PLEC: variants seen among roughly 807,000 people sequenced by gnomAD.
The protein encoded by PLEC is plectin, also known as hemidesmosomal protein 1.
In PLEC, 216 loss-of-function variants were observed where a neutral mutation model predicts 392.8. That is an observed-to-expected ratio of 0.55 (90% CI 0.49 to 0.62). The LOEUF (loss-of-function observed/expected upper bound fraction) is 0.62. Among genes scored for constraint, PLEC ranks in the 20% least tolerant of loss-of-function variants. PLEC has a pLI of 0.00. For missense variants in PLEC, 6,863 were observed against 6,563.4 expected, an observed-to-expected ratio of 1.05 and a Z score of -1.58; for synonymous variants, 3,621 against 2,980.6, an observed-to-expected ratio of 1.21 and a Z score of -7.00.
In PLEC at chr8:143,939,495, G is replaced by T. The variant is rs377018374; in HGVS notation, c.-34C>A. ...CACACCTTCGTCGCCCGGACCCTCGGCCTCAGGCACGGTGCTCTGGGCAGC... is the reference window on the plus strand; with the variant it reads ...CACACCTTCGTCGCCCGGACCCTCGTCCTCAGGCACGGTGCTCTGGGCAGC... On this transcript the variant is annotated 5_prime_UTR_variant, in exon 1 of 32. Transcript: ENST00000345136. 2 of 1,591,704 alleles carry T rather than the reference G, an allele frequency of 1.3e-6. No homozygotes were observed. The highest frequency in any genetic ancestry group is 1.7e-6 in the Non-Finnish European group (2 of 1,170,188).
chr8:143,966,733 G>A (rs1445678805), intron 1 of PLEC, among the ~76,000 whole-genome samples: 1 of 152,148 alleles, frequency 6.6e-6, no homozygotes, highest in Non-Finnish European at 1.5e-5. Context: ...GGCTCGGCTC[G>A]GGGGCACAGA....
At position 143,923,565 on chromosome 8, in the gene PLEC, C is replaced by G; in HGVS notation, c.6364G>C (p.Glu2122Gln). ...EEAERLKQSA[E>Q]EQAQARAQAQ... The stretch of plus-strand genomic sequence containing the variant: ...TGAGCCCGGGCCTGTGCCTGCTCCT[C>G]TGCCGACTGCTTCAGCCGCTCGGCC... The change falls in exon 31 of 32, where the codon GAG (glutamate) becomes CAG (glutamine). Residue 2122 changes from glutamate to glutamine, a missense_variant. By Grantham distance (29) the Glu-to-Gln change is conservative (BLOSUM62 2). Transcript: ENST00000345136. 6.3e-7 allele frequency: 1 copy of G among 1,597,354 alleles called. No homozygotes were observed. Among genetic ancestry groups the G allele is most frequent in the South Asian group, 1.1e-5 (1 of 90,850 alleles).
chr8:143,933,091 C>T lies in PLEC; in HGVS notation c.1439G>A (p.Arg480His), dbSNP rs781886606. ...MYRRVYRLHERLVAIRTEYNL... is the reference protein window; with the variant it reads ...MYRRVYRLHEHLVAIRTEYNL... ...GTACTCGGTGCGGATGGCTACCAGGCGCTCGTGCAGACGGTACACCCTGGG... is the reference window on the plus strand; with the variant it reads ...GTACTCGGTGCGGATGGCTACCAGGTGCTCGTGCAGACGGTACACCCTGGG... The change falls in exon 14 of 32, where the codon CGC becomes CAC. Residue 480 changes from arginine (R) to histidine (H), a missense_variant. Arg to His is a conservative substitution (Grantham distance 29). Coordinates refer to ENST00000345136, the MANE Select transcript of PLEC (RefSeq NM_201384.3). The T allele has an allele frequency of 5.7e-5, 90 of 1,590,208 alleles. No homozygotes were observed. The highest frequency in any genetic ancestry group is 7.3e-5 in the Non-Finnish European group (86 of 1,170,900).
Position 143,919,248 on chromosome 8 carries a change from G to C in PLEC, c.10573C>G (p.Gln3525Glu). 1.9e-6 allele frequency: 3 copies of C among 1,613,980 alleles called. No individual in the cohort carries two copies. The highest frequency in any genetic ancestry group is 2.5e-6 in the Non-Finnish European group (3 of 1,180,040). ...TCCTCCACGCACCGCTCCAGCAGCT[G>C]CCTGTACGTGAGGTTCTCATGCGTG... Reference protein sequence around the residue: ...PNTHENLTYRQLLERCVEDPE... With the variant: ...PNTHENLTYRELLERCVEDPE... Residue 3525 changes from glutamine (Q) to glutamate (E), a missense_variant, in exon 32 of 32, where the codon CAG (glutamine) becomes GAG (glutamate). Transcript: ENST00000345136.
chr8:143,919,064 G>A lies in PLEC; in HGVS notation c.10757C>T (p.Ser3586Phe), dbSNP rs781872363. The A allele has an allele frequency of 6.2e-7, 1 of 1,611,374 alleles. No homozygotes were observed. Among genetic ancestry groups the A allele is most frequent in the Admixed American group, 1.7e-5 (1 of 60,022 alleles). Residue 3586 changes from serine to phenylalanine, a missense_variant, in exon 32 of 32, where the codon TCC becomes TTC. By Grantham distance (155) the Ser-to-Phe change is radical (BLOSUM62 -2). Transcript: ENST00000345136. ...GTCCGACTGCATCACCTCCCACAGG[G>A]ACATGGTGGAGCCGCCGTGGCTGCC... Reference protein sequence around the residue: ...GGGSHGGSTMSLWEVMQSDLI... With the variant: ...GGGSHGGSTMFLWEVMQSDLI...
At chr8:143,941,292 C>T (rs1340214090), upstream of PLEC, among the ~76,000 whole-genome samples, 1 of 152,168 alleles carries the variant, frequency 6.6e-6, no homozygotes, top group Non-Finnish European at 1.5e-5. Flanking sequence ...AGGGAGTCCA[C>T]GACAGCTGGA....
At position 143,921,134 on chromosome 8, in the gene PLEC, T is replaced by C. The variant is rs375069554; in HGVS notation, c.8687A>G (p.Tyr2896Cys). The change falls in exon 32 of 32, where the codon TAC (tyrosine) becomes TGC (cysteine). Residue 2896 changes from tyrosine (Y) to cysteine (C), a missense_variant. By Grantham distance (194) the Tyr-to-Cys change is radical. Coordinates refer to ENST00000345136, the MANE Select transcript of PLEC (RefSeq NM_201384.3). ...GACGTCCCGGGCCTCGGAGTCAGTG[T>C]AGACCAGCTCCCCGCCCTTGGCAGC... is the stretch of plus-strand genomic sequence containing the variant. The part of the protein sequence containing the change: ...DKAAKGGELV[Y>C]TDSEARDVFE... 10 of 1,613,130 alleles carry C rather than the reference T, an allele frequency of 6.2e-6. No homozygotes were observed. Among genetic ancestry groups the C allele is most frequent in the Admixed American group, 1.7e-5 (1 of 60,004 alleles).
exon 1 of PLEC, chr8:143,950,699 G>A: frequency 6.4e-7 from 1 of 1,563,202 alleles, no homozygotes; most frequent in Non-Finnish European, 8.6e-7. Flanking sequence ...GAGCATGCCG[G>A]CCACCATGGC....
Position 143,917,247 on chromosome 8 carries a change from A to T in PLEC, c.12574T>A (p.Ser4192Thr). The change falls in exon 32 of 32, where the codon TCC becomes ACC. Residue 4192 changes from serine (S) to threonine (T), a missense_variant. Ser to Thr is a moderately conservative substitution (Grantham distance 58). Coordinates refer to ENST00000345136, the MANE Select transcript of PLEC (RefSeq NM_201384.3). Reference protein sequence around the residue: ...TISSSDGVVKSMIIDRRSGRQ... With the variant: ...TISSSDGVVKTMIIDRRSGRQ... ...CCGGAGCGGCGGTCGATGATCATGGACTTGACCACGCCGTCCGAGGAGGAG... is the reference window on the plus strand; with the variant it reads ...CCGGAGCGGCGGTCGATGATCATGGTCTTGACCACGCCGTCCGAGGAGGAG... The T allele has an allele frequency of 6.2e-7, 1 of 1,612,498 alleles. No individual in the cohort carries two copies. The highest frequency in any genetic ancestry group is 8.5e-7 in the Non-Finnish European group (1 of 1,179,684).
In PLEC at chr8:143,973,467, G is replaced by C; in HGVS notation, c.6C>G (p.Ala2=). The change falls in exon 1 of 32, where the codon GCC becomes GCG. Residue 2 remains alanine, a synonymous_variant. Coordinates refer to the PLEC transcript ENST00000356346. This position sits in a 1 kb window ranked among gnomAD's most constrained non-coding sequence, Gnocchi z 5.6. Reference sequence around the variant, plus strand: ...AGTCCTGCTCGTCGGGCAGCGGGCCGGCCATGCCGGCGGGCGCGGGGCGCG... The same window carrying C: ...AGTCCTGCTCGTCGGGCAGCGGGCCCGCCATGCCGGCGGGCGCGGGGCGCG... 6.6e-7 allele frequency: 1 copy of C among 1,511,436 alleles called. No individual in the cohort carries two copies. The highest frequency in any genetic ancestry group is 8.9e-7 in the Non-Finnish European group (1 of 1,129,498). 93.6% of individuals were successfully genotyped at this position (1,511,436 alleles called of 1,614,324 possible).
chr8:143,920,093 A>C lies in PLEC; in HGVS notation c.9728T>G (p.Val3243Gly), dbSNP rs782176923. The change falls in exon 32 of 32, where the codon GTG (valine) becomes GGG (glycine). Residue 3243 changes from valine to glycine, a missense_variant. By Grantham distance (109) the Val-to-Gly change is moderately radical. Transcript: ENST00000345136. ...CACCGTCCTGCCCTTGAAGCCACCC[A>C]CGGGGACCTCAACCGGGGTCTTTTC... Reference protein sequence around the residue: ...TFEKTPVEVPVGGFKGRTVTV... With the variant: ...TFEKTPVEVPGGGFKGRTVTV... The C allele has an allele frequency of 6.2e-7, 1 of 1,613,064 alleles. No individual in the cohort carries two copies. The highest frequency in any genetic ancestry group is 1.1e-5 in the South Asian group (1 of 91,076).
At chr8:143,964,039 T>G (rs1480120350) in intron 1 of PLEC, among the ~76,000 whole-genome samples, 1 of 152,072 alleles carries the variant, frequency 6.6e-6, no homozygotes, top group African/African-American at 2.4e-5. Flanking sequence ...TCTCCTGATC[T>G]CAGGTGATCC....
intron 1 of PLEC, among the ~76,000 whole-genome samples, chr8:143,971,895 G>A (rs782187423): frequency 4.6e-5 from 7 of 152,140 alleles, no homozygotes; most frequent in South Asian, 2.1e-4. Context: ...GAGGAGCTGC[G>A]CTTGGGAGGG....
intron 9 of PLEC, 23 bp from the exon 10 acceptor site, chr8:143,934,753 C>T: frequency 6.2e-7 from 1 of 1,612,182 alleles, no homozygotes; most frequent in Non-Finnish European, 8.5e-7. Context: ...AGGCTGTCGG[C>T]AACCACGCCG....
chr8:143,974,570 T>G (rs1554745416), upstream of PLEC, among the ~76,000 whole-genome samples: 1 of 152,222 alleles, frequency 6.6e-6, no homozygotes, highest in African/African-American at 2.4e-5. The surrounding 1 kb of genome is among the most constrained non-coding windows in gnomAD (Gnocchi z 5.9). Context: ...AGCCCTCTCC[T>G]GGCCTCCCGC....
At position 143,939,463 on chromosome 8, in the gene PLEC, C is replaced by T. The variant is rs1829992898; in HGVS notation, c.-2G>A. 2 of 1,610,192 alleles carry T rather than the reference C, an allele frequency of 1.2e-6. No individual in the cohort carries two copies. The highest frequency in any genetic ancestry group is 1.7e-5 in the Admixed American group (1 of 59,800). On this transcript the variant is annotated 5_prime_UTR_variant, in exon 1 of 32. Coordinates refer to ENST00000345136, the MANE Select transcript of PLEC (RefSeq NM_201384.3). ...CACGCGGAGCTGGTGCTGAGACATGCTGCCCCCACACCTTCGTCGCCCGGA... is the reference window on the plus strand; with the variant it reads ...CACGCGGAGCTGGTGCTGAGACATGTTGCCCCCACACCTTCGTCGCCCGGA...
chr8:143,933,471 C>T (rs980621861), intron 12 of PLEC, 120 bp from the exon 13 acceptor site: 62 of 1,183,174 alleles, frequency 5.2e-5, no homozygotes, highest in Non-Finnish European at 6.9e-5. Context: ...TGCCTCCATC[C>T]CTGTCCTTCC....
chr8:143,924,243 C>T lies in PLEC; in HGVS notation c.5686G>A (p.Ala1896Thr). ...QHKADIEERLAQLRKASDSEL... is the reference protein window; with the variant it reads ...QHKADIEERLTQLRKASDSEL... Reference sequence around the variant, plus strand: ...CTGTCCGATGCCTTGCGCAGCTGGGCCAGGCGCTCCTCGATGTCAGCCTTG... The same window carrying T: ...CTGTCCGATGCCTTGCGCAGCTGGGTCAGGCGCTCCTCGATGTCAGCCTTG... Residue 1896 changes from alanine to threonine, a missense_variant, in exon 31 of 32, where the codon GCC becomes ACC. By Grantham distance (58) the Ala-to-Thr change is moderately conservative (BLOSUM62 0). Transcript: ENST00000345136. 1.3e-6 allele frequency: 2 copies of T among 1,598,426 alleles called. No individual in the cohort carries two copies. The highest frequency in any genetic ancestry group is 1.1e-5 in the South Asian group (1 of 91,044).
At chr8:143,943,835 G>C (rs201623790), upstream of PLEC, 204 of 1,612,384 alleles carry the variant, frequency 1.3e-4, 1 homozygote, top group East Asian at 4.4e-3. Context: ...AGCGGCCAGG[G>C]TGACAACGTG....
Sources: gnomAD v4.1 joint callset for allele counts (sites outside exome capture counted in the v4.1 genomes callset) on GRCh38, gnomAD v4.1.1 for gene constraint, Gnocchi (gnomAD v3.1) non-coding constraint, MANE v1.5 for transcripts, NCBI Gene and HGNC (gene_info 2026-07-23, HGNC 2026-07-21) for gene names.